Variants in CR2 observed in about 807,000 individuals in gnomAD.
The protein encoded by CR2 is complement receptor type 2.
Under a neutral mutation model 123.0 loss-of-function variants are expected in CR2, and 96 were observed. The observed-to-expected ratio is 0.78, with a 90% confidence interval of 0.66 to 0.93. The LOEUF is 0.93. Among genes scored for constraint, CR2 ranks in the 40% least tolerant of loss-of-function variants. The pLI, the probability that CR2 is intolerant of heterozygous loss-of-function variation, is 0.00. For synonymous variants in CR2, 484 were observed against 469.5 expected (o/e 1.03, Z -0.40); for missense variants, 1,258 against 1,361.0 (o/e 0.92, Z 1.19).
In CR2 at chr1:207,466,624, G is replaced by A. The variant is rs757139702; in HGVS notation, c.157G>A (p.Gly53Ser). 6.2e-6 allele frequency: 10 copies of A among 1,613,852 alleles called. No individual in the cohort carries two copies. The African/African-American group carries it at 9.4e-5, about 15-fold the overall frequency. ...TACCGTGATAAGGTACAGTTGTTCAGGTACCTTCCGCCTCATTGGAGAAAA... is the reference window on the plus strand; with the variant it reads ...TACCGTGATAAGGTACAGTTGTTCAAGTACCTTCCGCCTCATTGGAGAAAA... Reference protein sequence around the residue: ...VGTVIRYSCSGTFRLIGEKSL... With the variant: ...VGTVIRYSCSSTFRLIGEKSL... Residue 53 changes from glycine (G) to serine (S), a missense_variant, in exon 2 of 20, where the codon GGT (glycine) becomes AGT (serine). Physicochemically the swap from Gly to Ser is moderately conservative, Grantham distance 56. Transcript: ENST00000367057.
intron 13 of CR2, 126 bp from the exon 14 acceptor site, chr1:207,474,698 C>T: frequency 1.9e-6 from 2 of 1,067,660 alleles, no homozygotes; most frequent in African/African-American, 1.6e-5. Flanking sequence ...AATCCATATT[C>T]CAAAATTTAA....
chr1:207,477,180 C>T (rs1425999185), intron 15 of CR2, among the ~76,000 whole-genome samples: 1 of 152,176 alleles, frequency 6.6e-6, no homozygotes, highest in East Asian at 1.9e-4. Flanking sequence ...TTAATGGACT[C>T]ACAGTTTCAC....
At chr1:207,480,560 A>T (rs1389621892) in intron 18 of CR2, among the ~76,000 whole-genome samples, 1 of 152,190 alleles carries the variant, frequency 6.6e-6, no homozygotes, top group Non-Finnish European at 1.5e-5. Context: ...ATATATAAAG[A>T]TAGGAGTAGC....
intron 16 of CR2, 138 bp from the exon 17 acceptor site, chr1:207,479,118 CT>C (rs1658528922): frequency 5.6e-6 from 4 of 717,496 alleles, no homozygotes; most frequent in Non-Finnish European, 1.0e-5. Flanking sequence ...GCCACTGTGC[CT>C]GGCCCCAGTA....
intron 1 of CR2, among the ~76,000 whole-genome samples, chr1:207,465,662 C>G (rs755703820): frequency 6.6e-6 from 1 of 152,224 alleles, no homozygotes; most frequent in Non-Finnish European, 1.5e-5. Context: ...AAGACCTCCT[C>G]TTGGAGCCAA....
rs2102302361 is a variant in CR2, at chr1:207,468,794, T to A, written c.635-6T>A. 6.2e-7 allele frequency: 1 copy of A among 1,614,082 alleles called. No individual in the cohort carries two copies. Among genetic ancestry groups the A allele is most frequent in the South Asian group, 1.1e-5 (1 of 91,090 alleles). Reference sequence around the variant, plus strand: ...ATGCATTTCTCATCTTTGGTTTGTTTTTTAGAGGCACGCTGTAAATCTCTA... The same window carrying A: ...ATGCATTTCTCATCTTTGGTTTGTTATTTAGAGGCACGCTGTAAATCTCTA... On this transcript the variant is annotated splice_polypyrimidine_tract_variant and splice_region_variant and intron_variant, in intron 3 of 19. Transcript: ENST00000367057.
intron 8 of CR2, 104 bp downstream of exon 8, chr1:207,471,191 G>A (rs1214388321): frequency 1.7e-6 from 2 of 1,195,288 alleles, no homozygotes; most frequent in Non-Finnish European, 2.5e-6. Context: ...CTCTATGTAA[G>A]AGTTTGTCTC....
At chr1:207,475,625 A>G (rs183267256) in intron 14 of CR2, among the ~76,000 whole-genome samples, 1 of 152,326 alleles carries the variant, frequency 6.6e-6, no homozygotes, top group East Asian at 1.9e-4. Flanking sequence ...CCTCCAACCC[A>G]TTGAATTGTC....
intron 18 of CR2, among the ~76,000 whole-genome samples, chr1:207,482,138 A>C (rs1658619610): frequency 6.6e-6 from 1 of 152,204 alleles, no homozygotes; most frequent in Non-Finnish European, 1.5e-5. Context: ...TATTACATAA[A>C]GTGTATTTAT....
rs762689637 is a variant in CR2 at position 207,477,943 on chromosome 1, G to A, written c.2961G>A (p.Arg987=). The part of the protein sequence containing the change: ...MDGIQKGLEP[R]KMYQYGAVVT... Reference sequence around the variant, plus strand: ...GAATCCAGAAAGGGCTGGAACCAAGGAAAATGTATCAGTATGGAGCTGTTG... The same window carrying A: ...GAATCCAGAAAGGGCTGGAACCAAGAAAAATGTATCAGTATGGAGCTGTTG... The change falls in exon 16 of 20, where the codon AGG becomes AGA. Residue 987 remains arginine, a synonymous_variant. Transcript: ENST00000367057. The A allele has an allele frequency of 2.5e-6, 4 of 1,614,074 alleles. No homozygotes were observed. The Admixed American group carries it at 5.0e-5, about 20-fold the overall frequency.
At position 207,468,578 on chromosome 1, in the gene CR2, C is replaced by A; in HGVS notation, c.497C>A (p.Thr166Lys). The A allele has an allele frequency of 1.2e-6, 2 of 1,614,002 alleles. No homozygotes were observed. The highest frequency in any genetic ancestry group is 1.7e-6 in the Non-Finnish European group (2 of 1,179,952). Residue 166 changes from threonine (T) to lysine (K), a missense_variant, in exon 3 of 20, where the codon ACA becomes AAA. By Grantham distance (78) the Thr-to-Lys change is moderately conservative. Transcript: ENST00000367057. ...CCTATGATCCACAATGGACATCACACAAGTGAGAATGTTGGCTCCATTGCT... is the reference window on the plus strand; with the variant it reads ...CCTATGATCCACAATGGACATCACAAAAGTGAGAATGTTGGCTCCATTGCT... ...ALPMIHNGHH[T>K]SENVGSIAPG...
rs774866424 is a variant in CR2, at chr1:207,475,223, T to A, written c.2716+7T>A. 1 of 1,613,850 alleles carries A rather than the reference T, an allele frequency of 6.2e-7. No homozygotes were observed. Among genetic ancestry groups the A allele is most frequent in the Non-Finnish European group, 8.5e-7 (1 of 1,179,846 alleles). On this transcript the variant is annotated splice_region_variant and intron_variant, in intron 14 of 19. Transcript: ENST00000367057. ...CCAACTTGTATCAAAAAAGGTAAGA[T>A]ACTTGGAAGGGATAAGTTATGGGAT...
chr1:207,463,706 G>A (rs1447158407), intron 1 of CR2, among the ~76,000 whole-genome samples: 3 of 152,114 alleles, frequency 2.0e-5, no homozygotes, highest in African/African-American at 4.8e-5. Flanking sequence ...CAGGGTAAAC[G>A]TGTGCCGCGA....
intron 5 of CR2, among the ~76,000 whole-genome samples, 197 bp from the exon 6 acceptor site, chr1:207,469,498 A>C (rs1176713000): frequency 1.3e-5 from 2 of 152,206 alleles, no homozygotes; most frequent in Non-Finnish European, 2.9e-5. Flanking sequence ...AAGAAATCAA[A>C]GGATCAGCAG....
At chr1:207,485,209 G>C (rs1044772821) in intron 18 of CR2, among the ~76,000 whole-genome samples, 1 of 152,186 alleles carries the variant, frequency 6.6e-6, no homozygotes, top group African/African-American at 2.4e-5. Flanking sequence ...TTAGGGGAGG[G>C]ATAGTATTAG....
chr1:207,483,603 A>G (rs1658667678), intron 18 of CR2, among the ~76,000 whole-genome samples: 1 of 152,062 alleles, frequency 6.6e-6, no homozygotes, highest in Admixed American at 6.6e-5. Context: ...ATATTTAATA[A>G]GAGGTTTTTT....
intron 1 of CR2, among the ~76,000 whole-genome samples, chr1:207,457,903 T>C (rs528315850): frequency 6.6e-6 from 1 of 152,270 alleles, no homozygotes; most frequent in Admixed American, 6.5e-5. Context: ...GAATACTATT[T>C]ATATGTTGAT....
At position 207,480,072 on chromosome 1, in the gene CR2, A is replaced by C; in HGVS notation, c.3188+19A>C. 6.4e-7 allele frequency: 1 copy of C among 1,566,876 alleles called. No homozygotes were observed. The highest frequency in any genetic ancestry group is 1.1e-5 in the South Asian group (1 of 90,036). On this transcript the variant is annotated intron_variant, in intron 18 of 19. Coordinates refer to ENST00000367057, the MANE Select transcript of CR2 (RefSeq NM_001006658.3). Reference sequence around the variant, plus strand: ...GAGCACGGTAAGTTCAAAGGCGAATACTTGATTGACCAACATGCACAAGTG... The same window carrying C: ...GAGCACGGTAAGTTCAAAGGCGAATCCTTGATTGACCAACATGCACAAGTG...
intron 14 of CR2, among the ~76,000 whole-genome samples, chr1:207,475,962 A>G (rs193001173): frequency 3.9e-4 from 59 of 152,208 alleles, no homozygotes; most frequent in Middle Eastern, 3.4e-3. Context: ...GGAAAAGAAA[A>G]CTGTTGGCTG....
Sources: gnomAD v4.1 joint callset for allele counts (sites outside exome capture counted in the v4.1 genomes callset) on GRCh38, gnomAD v4.1.1 for gene constraint, MANE v1.5 for transcripts, NCBI Gene and HGNC (gene_info 2026-07-23, HGNC 2026-07-21) for gene names.